The following HMGCLL1 variants were observed in gnomAD, a reference collection of about 807,000 sequenced individuals.
The protein encoded by HMGCLL1 is 3-hydroxy-3-methylglutaryl-CoA lyase like 1.
HMGCLL1 carries 36 observed loss-of-function variants against 39.1 expected under a neutral mutation model. The observed-to-expected ratio is 0.92, with a 90% confidence interval of 0.71 to 1.22. The LOEUF (loss-of-function observed/expected upper bound fraction) is 1.22. Ranked by LOEUF, HMGCLL1 falls within the 50% of genes most tolerant of loss-of-function variation. HMGCLL1 has a pLI of 0.00. For missense variants in HMGCLL1, 451 were observed against 416.5 expected (o/e 1.08, Z -0.72); for synonymous variants, 149 against 144.0 (o/e 1.03, Z -0.25).
At chr6:55,538,918 C>T (rs1198766640) in intron 3 of HMGCLL1, among the ~76,000 whole-genome samples, 3 of 152,058 alleles carry the variant, frequency 2.0e-5, no homozygotes, top group Non-Finnish European at 4.4e-5. Context: ...ATAAAAGTCA[C>T]CCTCTGTGAA....
At chr6:55,577,917 A>G (rs761774409) in intron 1 of HMGCLL1, among the ~76,000 whole-genome samples, 4 of 152,220 alleles carry the variant, frequency 2.6e-5, no homozygotes, top group Non-Finnish European at 4.4e-5. Context: ...GTAACGAGAA[A>G]CAAAATATCT....
At chr6:55,515,938 C>T (rs1013723847) in intron 4 of HMGCLL1, among the ~76,000 whole-genome samples, 1 of 151,838 alleles carries the variant, frequency 6.6e-6, no homozygotes, top group African/African-American at 2.4e-5. Flanking sequence ...ACGGATAACA[C>T]CTTAAAATTG....
intron 7 of HMGCLL1, among the ~76,000 whole-genome samples, chr6:55,453,273 G>A (rs1013850482): frequency 2.6e-5 from 4 of 152,164 alleles, no homozygotes; most frequent in Non-Finnish European, 5.9e-5. Flanking sequence ...CCACCTCCCA[G>A]GTTCACGCCA....
the HMGCLL1 span, among the ~76,000 whole-genome samples, chr6:55,595,168 C>A: frequency 6.6e-6 from 1 of 152,178 alleles, no homozygotes; most frequent in African/African-American, 2.4e-5. Context: ...ACGTGAAAAT[C>A]ACACGACACA....
chr6:55,564,735 A>G (rs1771129511), intron 1 of HMGCLL1, among the ~76,000 whole-genome samples: 1 of 152,052 alleles, frequency 6.6e-6, no homozygotes, highest in South Asian at 2.1e-4. Flanking sequence ...GCTACTTTCT[A>G]AAGAACTAAG....
chr6:55,455,965 A>G (rs988772289), intron 7 of HMGCLL1, among the ~76,000 whole-genome samples: 3 of 152,202 alleles, frequency 2.0e-5, no homozygotes, highest in Non-Finnish European at 4.4e-5. Context: ...TAGAATATTA[A>G]GGGCTTTTGC....
chr6:55,508,635 C>T (rs1051719593), intron 5 of HMGCLL1, among the ~76,000 whole-genome samples: 9 of 151,790 alleles, frequency 5.9e-5, no homozygotes, highest in African/African-American at 2.2e-4. Context: ...TTGCACAACT[C>T]TCTTTTCATA....
chr6:55,438,361 T>C (rs1763454048), intron 8 of HMGCLL1, among the ~76,000 whole-genome samples: 1 of 152,066 alleles, frequency 6.6e-6, no homozygotes, highest in South Asian at 2.1e-4. Flanking sequence ...AAGTATAAAG[T>C]ATGAATAAGC....
intron 3 of HMGCLL1, 50 bp downstream of exon 3, chr6:55,541,679 T>C (rs1769442604): frequency 2.3e-6 from 2 of 882,070 alleles, no homozygotes; most frequent in Non-Finnish European, 3.6e-6. Flanking sequence ...CCAAATATTT[T>C]TTGGTGAAGT....
chr6:55,647,779 T>A, the HMGCLL1 span, among the ~76,000 whole-genome samples: 10 of 145,256 alleles, frequency 6.9e-5, no homozygotes, highest in Non-Finnish European at 1.4e-4. Context: ...ATTTTTTTTT[T>A]TTATTATACT....
chr6:55,563,444 T>C (rs1403475310), intron 1 of HMGCLL1, among the ~76,000 whole-genome samples: 2 of 152,184 alleles, frequency 1.3e-5, no homozygotes, highest in Non-Finnish European at 1.5e-5. Context: ...ATATGGAAAT[T>C]CTATGTTTTA....
At chr6:55,530,131 G>A (rs1006900206) in intron 3 of HMGCLL1, among the ~76,000 whole-genome samples, 5 of 151,912 alleles carry the variant, frequency 3.3e-5, no homozygotes, top group East Asian at 1.9e-4. Flanking sequence ...TTCTTACTAC[G>A]TATTATAAGC....
At chr6:55,620,860 C>T in the HMGCLL1 span, among the ~76,000 whole-genome samples, 1 of 152,142 alleles carries the variant, frequency 6.6e-6, no homozygotes, top group Admixed American at 6.6e-5. Context: ...GCTTTCCCAG[C>T]ACCATTTATT....
At chr6:55,561,222 G>C (rs1024234890) in intron 1 of HMGCLL1, among the ~76,000 whole-genome samples, 3 of 152,008 alleles carry the variant, frequency 2.0e-5, no homozygotes, top group Admixed American at 6.6e-5. Flanking sequence ...TAACAACTTG[G>C]AATATATCTA....
chr6:55,604,943 C>T, the HMGCLL1 span, among the ~76,000 whole-genome samples: 22 of 152,112 alleles, frequency 1.4e-4, no homozygotes, highest in Non-Finnish European at 3.1e-4. Context: ...AGTTAATTAG[C>T]TGAAGATGAT....
At chr6:55,561,630 A>G (rs910703475) in intron 1 of HMGCLL1, among the ~76,000 whole-genome samples, 6 of 151,960 alleles carry the variant, frequency 3.9e-5, no homozygotes, top group Non-Finnish European at 7.4e-5. Context: ...TTAAAAGCCA[A>G]CTTAAAAAAA....
chr6:55,455,334 G>A (rs1764277190), intron 7 of HMGCLL1, among the ~76,000 whole-genome samples: 3 of 151,480 alleles, frequency 2.0e-5, no homozygotes, highest in Non-Finnish European at 4.4e-5. Flanking sequence ...ACATCTTGGA[G>A]GAAGAGGGAA....
At chr6:55,536,250 G>A (rs1445874997) in intron 3 of HMGCLL1, among the ~76,000 whole-genome samples, 1 of 152,108 alleles carries the variant, frequency 6.6e-6, no homozygotes, top group Non-Finnish European at 1.5e-5. Context: ...ATTCCCTGGT[G>A]TTGGGACTTG....
In HMGCLL1 at chr6:55,542,142, T is replaced by C; in HGVS notation, c.109-2A>G. ...GAGTCCAGATAACTGGGATGTTTCC[T>C]GAAATGCAAAATGTAAGAACAAGAT... On this transcript the variant is annotated splice_acceptor_variant, in intron 1 of 8. Coordinates refer to ENST00000274901, the MANE Select transcript of HMGCLL1 (RefSeq NM_001042406.2). LOFTEE classifies it high-confidence loss of function. 6.3e-7 allele frequency: 1 copy of C among 1,596,844 alleles called. No homozygotes were observed. Among genetic ancestry groups the C allele is most frequent in the Non-Finnish European group, 8.6e-7 (1 of 1,167,286 alleles).
Sources: gnomAD v4.1 joint callset for allele counts (sites outside exome capture counted in the v4.1 genomes callset) on GRCh38, gnomAD v4.1.1 for gene constraint, MANE v1.5 for transcripts, NCBI Gene and HGNC (gene_info 2026-07-23, HGNC 2026-07-21) for gene names.